Variants in OPCML observed in about 807,000 individuals in gnomAD.
OPCML encodes opioid binding protein/cell adhesion molecule like.
Under a neutral mutation model 37.8 loss-of-function variants are expected in OPCML, and 13 were observed. The observed-to-expected ratio is 0.34, with a 90% confidence interval of 0.22 to 0.55. The LOEUF (loss-of-function observed/expected upper bound fraction) is 0.55, where lower values mean the gene tolerates loss of function less well. OPCML is among the 20% of genes least tolerant of loss of function. The pLI is 0.91. For missense variants in OPCML, 341 were observed against 435.6 expected (o/e 0.78, Z 1.93); for synonymous variants, 176 against 168.8 (o/e 1.04, Z -0.33).
intron 1 of OPCML, among the ~76,000 whole-genome samples, chr11:133,144,939 T>G (rs970439217): frequency 6.6e-6 from 1 of 152,144 alleles, no homozygotes; most frequent in Non-Finnish European, 1.5e-5. Context: ...TAATTCAAGT[T>G]TCTGGAAAGC....
chr11:133,157,938 G>C (rs1950085245), intron 1 of OPCML, among the ~76,000 whole-genome samples: 1 of 152,176 alleles, frequency 6.6e-6, no homozygotes, highest in African/African-American at 2.4e-5. Context: ...TATACAAGAG[G>C]CTGCATCTCT....
At chr11:133,451,454 G>C (rs1170511221) in intron 1 of OPCML, among the ~76,000 whole-genome samples, 1 of 151,672 alleles carries the variant, frequency 6.6e-6, no homozygotes, top group African/African-American at 2.4e-5. Flanking sequence ...TGGAAACAGA[G>C]GACAGAGTTT....
rs903192629 is a variant in OPCML, at chr11:133,006,208, T to C, written c.62-63198A>G. 6 of 766,644 alleles carry C rather than the reference T, an allele frequency of 7.8e-6. No homozygotes were observed. The African/African-American group carries it at 9.5e-5, about 12-fold the overall frequency. 47.5% of individuals were successfully genotyped at this position (766,644 alleles called of 1,614,324 possible). The stretch of plus-strand genomic sequence containing the variant: ...GCGCCATCTGTAGTAGGGAGGAGCC[T>C]GGCCCCTCGTCTTCCTGCGTGGAAC... On this transcript the variant is annotated intron_variant, in intron 1 of 7. Transcript: ENST00000524381.
intron 1 of OPCML, among the ~76,000 whole-genome samples, chr11:133,452,968 G>A (rs1048247659): frequency 4.0e-5 from 6 of 148,234 alleles, no homozygotes. Flanking sequence ...TCAGCAACTT[G>A]TCTGTAGATT....
intron 1 of OPCML, among the ~76,000 whole-genome samples, chr11:133,321,975 A>G (rs1320559932): frequency 6.6e-6 from 1 of 152,220 alleles, no homozygotes; most frequent in African/African-American, 2.4e-5. Flanking sequence ...TCTTCTGCTG[A>G]AAAATATTCA....
chr11:133,313,615 G>C (rs1348170444), intron 1 of OPCML, among the ~76,000 whole-genome samples: 2 of 152,120 alleles, frequency 1.3e-5, no homozygotes, highest in African/African-American at 4.8e-5. Flanking sequence ...ACCTGAAGCG[G>C]GGCCCAAGAG....
intron 1 of OPCML, among the ~76,000 whole-genome samples, chr11:133,489,358 A>G (rs1252652244): frequency 1.3e-5 from 2 of 152,144 alleles, no homozygotes; most frequent in African/African-American, 2.4e-5. Flanking sequence ...TCCAGAATCT[A>G]CAAGGAACTC....
rs190146383 is a variant in OPCML at position 132,839,866 on chromosome 11, C to T, written c.146+103060G>A. 1.5e-3 allele frequency among the ~76,000 whole-genome samples: 231 copies of T among 152,282 alleles called. 1 individual carries two copies. Among genetic ancestry groups the T allele is most frequent in the African/African-American group, 5.1e-3 (210 of 41,554 alleles). On this transcript the variant is annotated intron_variant, in intron 2 of 7. Coordinates refer to ENST00000524381, the MANE Select transcript of OPCML (RefSeq NM_001012393.5). The stretch of plus-strand genomic sequence containing the variant: ...TTTCCAATTCTGTCTCTCCCTTCGT[C>T]GACTGCCTGAGTGGAGGGTTTCTTG...
intron 1 of OPCML, among the ~76,000 whole-genome samples, chr11:133,283,866 T>C (rs1178238421): frequency 6.6e-6 from 1 of 152,180 alleles, no homozygotes; most frequent in African/African-American, 2.4e-5. Flanking sequence ...CTGTGAGCCT[T>C]AAGAACACCC....
chr11:132,818,438 G>A (rs184296901), intron 2 of OPCML, among the ~76,000 whole-genome samples: 72 of 151,728 alleles, frequency 4.7e-4, no homozygotes, highest in Non-Finnish European at 9.3e-4. Flanking sequence ...ACGATCTAGC[G>A]CAAGAGGGCA....
At chr11:132,788,021 C>A (rs934106054) in intron 2 of OPCML, among the ~76,000 whole-genome samples, 1 of 152,160 alleles carries the variant, frequency 6.6e-6, no homozygotes, top group Non-Finnish European at 1.5e-5. Flanking sequence ...GCTGGGACTA[C>A]AGGCGCACGC....
At chr11:132,618,131 C>T (rs1194341202) in intron 3 of OPCML, among the ~76,000 whole-genome samples, 2 of 152,210 alleles carry the variant, frequency 1.3e-5, no homozygotes, top group East Asian at 1.9e-4. Context: ...CTGCCACCTT[C>T]AAAGCATGAT....
chr11:132,441,165 G>GTTTGTTTTTTTTTTT (rs2096031875), intron 4 of OPCML, among the ~76,000 whole-genome samples: 1 of 72,402 alleles, frequency 1.4e-5, no homozygotes, highest in Admixed American at 1.5e-4. Flanking sequence ...GGACTTTTTT[G>GTTTGTTTTTTTTTTT]TTTTTTTTTT....
chr11:133,243,140 C>T lies in OPCML; in HGVS notation c.61+289124G>A, dbSNP rs115010238. On this transcript the variant is annotated intron_variant, in intron 1 of 7. Transcript: ENST00000524381. ...GAATCTACTGAAACTTGCAGGAGTCCAGAACTCAGGGCAAACAAGATATTC... is the reference window on the plus strand; with the variant it reads ...GAATCTACTGAAACTTGCAGGAGTCTAGAACTCAGGGCAAACAAGATATTC... Among the ~76,000 whole-genome samples, 419 of 152,168 alleles carry T rather than the reference C, an allele frequency of 2.8e-3. 3 individuals carry two copies. The highest frequency in any genetic ancestry group is 9.5e-3 in the African/African-American group (394 of 41,496).
chr11:132,725,141 C>T (rs1293299259), intron 2 of OPCML, among the ~76,000 whole-genome samples: 1 of 152,222 alleles, frequency 6.6e-6, no homozygotes, highest in African/African-American at 2.4e-5. Context: ...CTTTTCTGCA[C>T]TGCCCTAGCA....
At chr11:132,991,031 A>C (rs1217565149) in intron 1 of OPCML, among the ~76,000 whole-genome samples, 1 of 152,206 alleles carries the variant, frequency 6.6e-6, no homozygotes, top group African/African-American at 2.4e-5. Flanking sequence ...ATTAGACTTG[A>C]CCCGCTAAGC....
chr11:133,492,403 C>G (rs982283655), intron 1 of OPCML, among the ~76,000 whole-genome samples: 2 of 152,148 alleles, frequency 1.3e-5, no homozygotes, highest in Non-Finnish European at 2.9e-5. Flanking sequence ...GCTTTTCACC[C>G]ACACTTTTTC....
intron 2 of OPCML, among the ~76,000 whole-genome samples, chr11:132,744,875 C>T (rs113219788): frequency 6.7e-4 from 102 of 151,810 alleles, no homozygotes; most frequent in African/African-American, 2.0e-3. Context: ...TTTGAATCAA[C>T]ATTCACGAGC....
chr11:132,817,755 C>T (rs1939715491), intron 2 of OPCML, among the ~76,000 whole-genome samples: 1 of 151,402 alleles, frequency 6.6e-6, no homozygotes, highest in Non-Finnish European at 1.5e-5. Context: ...GTAACTGCCC[C>T]CCTCCCCCGC....
Sources: gnomAD v4.1 joint callset for allele counts (sites outside exome capture counted in the v4.1 genomes callset) on GRCh38, gnomAD v4.1.1 for gene constraint, MANE v1.5 for transcripts, NCBI Gene and HGNC (gene_info 2026-07-23, HGNC 2026-07-21) for gene names.